Variants in SYBU observed in about 807,000 individuals in gnomAD.
SYBU encodes the protein syntabulin.
SYBU carries 21 observed loss-of-function variants against 35.9 expected under a neutral mutation model. The observed-to-expected ratio is 0.58, with a 90% CI of 0.41 to 0.84. SYBU has a LOEUF of 0.84. SYBU is among the 40% of genes least tolerant of loss of function. The probability of loss-of-function intolerance (pLI) is 0.00; values close to 1 mark genes in which losing one functional copy is unlikely to be tolerated. For synonymous variants in SYBU, 319 were observed against 324.3 expected (o/e 0.98, Z 0.18); for missense variants, 768 against 848.2 (o/e 0.91, Z 1.17).
At chr8:109,671,583 G>A (rs996368998) in intron 1 of SYBU, among the ~76,000 whole-genome samples, 6 of 152,156 alleles carry the variant, frequency 3.9e-5, no homozygotes, top group African/African-American at 7.2e-5. Flanking sequence ...TACTTTGAGC[G>A]ATTAAAGCAT....
chr8:109,629,606 C>A (rs1044019527), intron 2 of SYBU, among the ~76,000 whole-genome samples: 1 of 152,056 alleles, frequency 6.6e-6, no homozygotes, highest in South Asian at 2.1e-4. Flanking sequence ...AATAAACATA[C>A]GTGTGCATGT....
intron 1 of SYBU, among the ~76,000 whole-genome samples, chr8:109,655,052 A>C (rs759009149): frequency 1.3e-5 from 2 of 152,180 alleles, no homozygotes; most frequent in Non-Finnish European, 2.9e-5. Flanking sequence ...CTCAAATGAA[A>C]TCTTTCAATG....
chr8:109,679,102 G>T (rs1586997500), intron 1 of SYBU, among the ~76,000 whole-genome samples: 1 of 152,078 alleles, frequency 6.6e-6, no homozygotes, highest in Non-Finnish European at 1.5e-5. Context: ...CATCCTTACT[G>T]CTCATTATAT....
intron 1 of SYBU, among the ~76,000 whole-genome samples, chr8:109,664,955 T>C (rs1198327617): frequency 6.6e-6 from 1 of 152,186 alleles, no homozygotes; most frequent in Non-Finnish European, 1.5e-5. Context: ...GATTAGCAAA[T>C]GATATATTCT....
intron 2 of SYBU, among the ~76,000 whole-genome samples, chr8:109,629,996 G>GT (rs1000708407): frequency 1.3e-5 from 2 of 151,764 alleles, no homozygotes; most frequent in African/African-American, 4.8e-5. Context: ...GGGGTTGTTT[G>GT]TTTTTTTCTT....
Position 109,580,009 on chromosome 8 carries a change from GAA to G in SYBU, c.531-9_531-8del, listed in dbSNP as rs1340712544. On this transcript the variant is annotated splice_region_variant and splice_polypyrimidine_tract_variant and intron_variant, in intron 4 of 6. Coordinates refer to ENST00000276646, the MANE Select transcript of SYBU (RefSeq NM_001099754.2). The stretch of plus-strand genomic sequence containing the variant: ...CCGCCCATGAGGACCTCGACTGGGA[GAA>G]AAGAATGAAAAATGTTAAAATTCTT... 1 of 1,611,278 alleles carries G rather than the reference GAA, an allele frequency of 6.2e-7. No individual in the cohort carries two copies. The highest frequency in any genetic ancestry group is 8.5e-7 in the Non-Finnish European group (1 of 1,179,096).
intron 1 of SYBU, among the ~76,000 whole-genome samples, chr8:109,651,897 G>C (rs1816157009): frequency 6.6e-6 from 1 of 152,170 alleles, no homozygotes; most frequent in African/African-American, 2.4e-5. Context: ...GGAGGACACT[G>C]AATTTCTCAT....
chr8:109,628,671 T>A (rs551090406), intron 2 of SYBU, among the ~76,000 whole-genome samples: 2 of 152,190 alleles, frequency 1.3e-5, no homozygotes, highest in Non-Finnish European at 2.9e-5. Context: ...AAAAAGATTT[T>A]TTTTTTTAAA....
At chr8:109,655,894 C>T (rs1356218840) in intron 1 of SYBU, among the ~76,000 whole-genome samples, 1 of 152,102 alleles carries the variant, frequency 6.6e-6, no homozygotes, top group Non-Finnish European at 1.5e-5. Context: ...GTGGGCAGAT[C>T]ATTTGAGGTC....
intron 2 of SYBU, among the ~76,000 whole-genome samples, chr8:109,637,935 C>T (rs988314017): frequency 3.7e-4 from 57 of 152,196 alleles, no homozygotes; most frequent in South Asian, 4.1e-4. Context: ...TTTCTGCAAA[C>T]ACCTTACTTG....
Position 109,644,712 on chromosome 8 carries a change from G to A in SYBU, c.-53C>T, listed in dbSNP as rs1024579783. The A allele has an allele frequency of 6.1e-6, 9 of 1,470,880 alleles. No homozygotes were observed. In the East Asian group the frequency reaches 1.1e-4, roughly 18 times the overall value. 91.1% of individuals were successfully genotyped at this position (1,470,880 alleles called of 1,614,324 possible). ...CCGCCGCTGCCGCCGTCCAGGAGGA[G>A]GCACCTGCGAGCACGGAGCGAGGAG... On this transcript the variant is annotated 5_prime_UTR_variant, in exon 1 of 7. Transcript: ENST00000276646.
intron 2 of SYBU, among the ~76,000 whole-genome samples, chr8:109,624,839 G>A (rs542400166): frequency 3.3e-5 from 5 of 152,246 alleles, no homozygotes; most frequent in South Asian, 2.1e-4. Context: ...ATTGTTATTG[G>A]AACACAGCCA....
At chr8:109,674,323 T>A (rs890066046) in intron 1 of SYBU, among the ~76,000 whole-genome samples, 5 of 151,256 alleles carry the variant, frequency 3.3e-5, no homozygotes, top group Non-Finnish European at 7.4e-5. Context: ...CCCATCAGAC[T>A]AACAGCGGAT....
chr8:109,599,596 C>G (rs1825283259), intron 3 of SYBU, among the ~76,000 whole-genome samples: 1 of 152,202 alleles, frequency 6.6e-6, no homozygotes, highest in Non-Finnish European at 1.5e-5. Flanking sequence ...CATCTGTCTG[C>G]TCTTTCCCAT....
In SYBU at chr8:109,575,616, C is replaced by T. The variant is rs765683813; in HGVS notation, c.1282G>A (p.Glu428Lys). 1 of 1,614,158 alleles carries T rather than the reference C, an allele frequency of 6.2e-7. No homozygotes were observed. The highest frequency in any genetic ancestry group is 8.5e-7 in the Non-Finnish European group (1 of 1,180,030). Residue 428 changes from glutamate to lysine, a missense_variant, in exon 7 of 7, where the codon GAG (glutamate) becomes AAG (lysine). Coordinates refer to ENST00000276646, the MANE Select transcript of SYBU (RefSeq NM_001099754.2). ...GCTATGCTATCTCCTACCAGTAGCT[C>T]CCTGTCAGCCCCTTCCCCCGTGACC... is the stretch of plus-strand genomic sequence containing the variant. ...EQVTGEGADRELLVGDSIANS... is the reference protein window; with the variant it reads ...EQVTGEGADRKLLVGDSIANS...
At chr8:109,631,988 A>G (rs1813676939) in intron 2 of SYBU, among the ~76,000 whole-genome samples, 1 of 152,154 alleles carries the variant, frequency 6.6e-6, no homozygotes, top group African/African-American at 2.4e-5. Context: ...AAGAAAGAGA[A>G]CTAAAAAGAC....
At chr8:109,649,589 G>A (rs1252346250), upstream of SYBU, among the ~76,000 whole-genome samples, 1 of 152,150 alleles carries the variant, frequency 6.6e-6, no homozygotes, top group Non-Finnish European at 1.5e-5. Flanking sequence ...CAGAGGTTGG[G>A]GGCTTGGAAC....
At chr8:109,634,052 G>A (rs977304030) in intron 2 of SYBU, among the ~76,000 whole-genome samples, 5 of 152,110 alleles carry the variant, frequency 3.3e-5, no homozygotes, top group African/African-American at 1.2e-4. Flanking sequence ...CTTTTAGATT[G>A]TAATCTAGGC....
intron 3 of SYBU, among the ~76,000 whole-genome samples, chr8:109,586,878 A>G (rs1823681276): frequency 6.6e-6 from 1 of 152,234 alleles, no homozygotes; most frequent in South Asian, 2.1e-4. Context: ...CTTTGAGTAC[A>G]GACAACAGGT....
Sources: gnomAD v4.1 joint callset for allele counts (sites outside exome capture counted in the v4.1 genomes callset) on GRCh38, gnomAD v4.1.1 for gene constraint, MANE v1.5 for transcripts, NCBI Gene and HGNC (gene_info 2026-07-23, HGNC 2026-07-21) for gene names.